Variants in PCDHGB2 observed in about 807,000 individuals in gnomAD.
PCDHGB2 encodes protocadherin gamma subfamily B, 2.
Under a neutral mutation model 59.3 loss-of-function variants are expected in PCDHGB2, and 55 were observed. That is an observed-to-expected ratio of 0.93 (90% CI 0.75 to 1.16). PCDHGB2 has a LOEUF of 1.16. Among genes scored for constraint, PCDHGB2 ranks in the 50% most tolerant of loss-of-function variants. The probability of loss-of-function intolerance (pLI) is 0.00; values close to 1 mark genes in which losing one functional copy is unlikely to be tolerated. For synonymous variants in PCDHGB2, 516 were observed against 512.0 expected (o/e 1.01, Z -0.11); for missense variants, 1,228 against 1,198.5 (o/e 1.02, Z -0.36).
At chr5:141,470,242 T>C (rs1301513342) in intron 1 of PCDHGB2, among the ~76,000 whole-genome samples, 1 of 152,344 alleles carries the variant, frequency 6.6e-6, no homozygotes, top group South Asian at 2.1e-4. Flanking sequence ...CCCTTGAATG[T>C]CCCACCTGTC....
At position 141,407,135 on chromosome 5, in the gene PCDHGB2, G is replaced by GA. The variant is rs796659459; in HGVS notation, c.2421+44587dup. The stretch of plus-strand genomic sequence containing the variant: ...TGGGTTTCAGTTGCTTTATTTTTAA[G>GA]AAAAAAAAGCTGAAGTGTCTGGGAA... On this transcript the variant is annotated intron_variant, in intron 1 of 3. Coordinates refer to ENST00000522605, the MANE Select transcript of PCDHGB2 (RefSeq NM_018923.3). 3.3e-5 allele frequency among the ~76,000 whole-genome samples: 5 copies of GA among 151,810 alleles called. No homozygotes were observed. In the South Asian group the frequency reaches 6.2e-4, roughly 19 times the overall value.
rs961891623 is a variant in PCDHGB2 at position 141,487,938 on chromosome 5, GC to G, written c.2422-6868del. The G allele has an allele frequency of 2.8e-5, 17 of 600,188 alleles. No homozygotes were observed. The highest frequency in any genetic ancestry group is 4.7e-5 in the Non-Finnish European group (16 of 342,978). 37.2% of individuals were successfully genotyped at this position (600,188 alleles called of 1,614,324 possible). ...GAGGCTACAGTGCACAGGGTACAGTGCACCAGGCAGTCACTTGGACAAAGGT... is the reference window on the plus strand; with the variant it reads ...GAGGCTACAGTGCACAGGGTACAGTGACCAGGCAGTCACTTGGACAAAGGT... On this transcript the variant is annotated intron_variant, in intron 1 of 3. Coordinates refer to ENST00000522605, the MANE Select transcript of PCDHGB2 (RefSeq NM_018923.3). The surrounding 1 kb of genome is among the most constrained non-coding windows in gnomAD (Gnocchi z 5.0).
In PCDHGB2 at chr5:141,511,112, G is replaced by C. The variant is rs767257788; in HGVS notation, c.2735G>C (p.Gly912Ala). The change falls in exon 4 of 4, where the codon GGC becomes GCC. Residue 912 changes from glycine (G) to alanine (A), a missense_variant. Coordinates refer to ENST00000522605, the MANE Select transcript of PCDHGB2 (RefSeq NM_018923.3). ...TLTNAAGKRD[G>A]KAPAGGNGNK... The stretch of plus-strand genomic sequence containing the variant: ...ACCAACGCAGCTGGCAAGCGGGATG[G>C]CAAGGCCCCAGCAGGTGGCAATGGC... The C allele has an allele frequency of 4.3e-6, 7 of 1,614,232 alleles. No homozygotes were observed. Among genetic ancestry groups the C allele is most frequent in the Non-Finnish European group, 5.9e-6 (7 of 1,180,024 alleles).
intron 1 of PCDHGB2, chr5:141,399,710 T>C: frequency 6.2e-7 from 1 of 1,613,346 alleles, no homozygotes; most frequent in South Asian, 1.1e-5. Flanking sequence ...GAACTCACAC[T>C]ACAGGCCCGC....
At chr5:141,457,791 A>G (rs554446263) in intron 1 of PCDHGB2, among the ~76,000 whole-genome samples, 1 of 152,318 alleles carries the variant, frequency 6.6e-6, no homozygotes, top group South Asian at 2.1e-4. Flanking sequence ...GAGTTGGGTT[A>G]TCCTCTCCTC....
chr5:141,362,014 C>A lies in PCDHGB2; in HGVS notation c.1879C>A (p.Arg627Ser), dbSNP rs748394772. The change falls in exon 1 of 4, where the codon CGC (arginine) becomes AGC (serine). Residue 627 changes from arginine to serine, a missense_variant. Arg to Ser is a moderately radical substitution (Grantham distance 110). Transcript: ENST00000522605. ...CCTGGGGTTGCGCACGGGTGAGGTG[C>A]GCACAGCGCGTGCCTTGGGCGACAG... ...FSLGLRTGEV[R>S]TARALGDRDA... 16 of 1,606,054 alleles carry A rather than the reference C, an allele frequency of 1.0e-5. No individual in the cohort carries two copies. The highest frequency in any genetic ancestry group is 3.4e-5 in the Admixed American group (2 of 59,616).
chr5:141,403,442 G>A, intron 1 of PCDHGB2: 2 of 1,614,024 alleles, frequency 1.2e-6, no homozygotes, highest in Admixed American at 1.7e-5. Flanking sequence ...GGATGTTGGC[G>A]TGAACTCCCT....
intron 1 of PCDHGB2, chr5:141,417,960 G>T (rs2096199953): frequency 1.2e-6 from 2 of 1,613,624 alleles, no homozygotes; most frequent in African/African-American, 1.3e-5. Context: ...GAGCCGATCC[G>T]CTACTCGATT....
intron 1 of PCDHGB2, chr5:141,371,309 A>G: frequency 1.2e-6 from 2 of 1,614,012 alleles, no homozygotes; most frequent in Non-Finnish European, 8.5e-7. Flanking sequence ...CCACTATTGG[A>G]GAACTGGACT....
At chr5:141,447,313 T>C (rs2098534296) in intron 1 of PCDHGB2, among the ~76,000 whole-genome samples, 1 of 152,146 alleles carries the variant, frequency 6.6e-6, no homozygotes, top group African/African-American at 2.4e-5. Context: ...CTAATTTTTG[T>C]ATTTTTAGTA....
chr5:141,365,028 T>G, intron 1 of PCDHGB2: 1 of 1,613,890 alleles, frequency 6.2e-7, no homozygotes, highest in Non-Finnish European at 8.5e-7. Flanking sequence ...GTTACGGTCC[T>G]CGACGCAAAC....
intron 1 of PCDHGB2, chr5:141,367,919 A>G (rs1225899144): frequency 1.3e-5 from 2 of 152,164 alleles, no homozygotes; most frequent in Non-Finnish European, 2.9e-5. Flanking sequence ...AAAAAAAAGA[A>G]CTCAACTTAA....
intron 1 of PCDHGB2, chr5:141,418,165 T>G (rs1296752918): frequency 6.2e-7 from 1 of 1,614,034 alleles, no homozygotes. Flanking sequence ...GAAGAAGATG[T>G]GAGTTGCAAT....
chr5:141,387,661 G>C (rs2091032284), intron 1 of PCDHGB2: 2 of 656,114 alleles, frequency 3.0e-6, no homozygotes, highest in East Asian at 5.7e-5. Context: ...AGAGCTTGGC[G>C]CTCCAGATCT....
chr5:141,392,298 G>T (rs568188111), intron 1 of PCDHGB2: 3 of 152,090 alleles, frequency 2.0e-5, no homozygotes, highest in African/African-American at 7.2e-5. Flanking sequence ...GGAAATGAAA[G>T]TATCATGTTT....
chr5:141,362,144 A>G lies in PCDHGB2; in HGVS notation c.2009A>G (p.Glu670Gly), dbSNP rs1310397180. 5 of 1,614,008 alleles carry G rather than the reference A, an allele frequency of 3.1e-6. 1 individual carries two copies. In the South Asian group the frequency reaches 5.5e-5, roughly 18 times the overall value. ...LHLIFADSLQ[E>G]VLPDLSDRRE... ...CTAATCTTCGCGGATAGCCTGCAAGAGGTATTGCCAGACCTCAGCGACCGC... is the reference window on the plus strand; with the variant it reads ...CTAATCTTCGCGGATAGCCTGCAAGGGGTATTGCCAGACCTCAGCGACCGC... Residue 670 changes from glutamate to glycine, a missense_variant, in exon 1 of 4, where the codon GAG becomes GGG. Around this residue, in one of 3 missense-constraint regions of PCDHGB2, gnomAD observed 433 missense variants for 441.8 expected, o/e 0.98. Coordinates refer to ENST00000522605, the MANE Select transcript of PCDHGB2 (RefSeq NM_018923.3).
chr5:141,392,248 A>G (rs2092491180), intron 1 of PCDHGB2: 3 of 152,220 alleles, frequency 2.0e-5, no homozygotes, highest in Admixed American at 2.0e-4. Flanking sequence ...ATTTGTTAGT[A>G]TATATTGGAG....
intron 1 of PCDHGB2, chr5:141,402,801 G>T (rs1218765657): frequency 1.2e-5 from 13 of 1,078,506 alleles, no homozygotes; most frequent in Non-Finnish European, 1.7e-5. Context: ...CACAAAACCC[G>T]GCAGATACCA....
chr5:141,418,111 A>G (rs763834283), intron 1 of PCDHGB2: 19 of 1,613,940 alleles, frequency 1.2e-5, no homozygotes, highest in Non-Finnish European at 1.5e-5. Context: ...GCGGGGACTT[A>G]CTTGTGAAGG....
Sources: allele counts gnomAD v4.1 joint callset (sites outside exome capture counted in the v4.1 genomes callset), GRCh38; gene constraint gnomAD v4.1.1; regional missense constraint gnomAD v4.1.1; non-coding constraint Gnocchi (gnomAD v3.1); transcripts MANE v1.5; gene names NCBI Gene and HGNC (gene_info 2026-07-23, HGNC 2026-07-21).